CACNB2: variants seen among roughly 807,000 people sequenced by gnomAD.
CACNB2 encodes the protein voltage-dependent L-type calcium channel subunit beta-2.
CACNB2 carries 42 observed loss-of-function variants against 73.3 expected under a neutral mutation model. The ratio of observed to expected loss-of-function variants is 0.57; its 90% CI spans 0.45 to 0.74. The LOEUF (loss-of-function observed/expected upper bound fraction) is 0.74, where lower values mean the gene tolerates loss of function less well. Ranked by LOEUF, CACNB2 falls within the 30% of genes least tolerant of loss-of-function variation. The pLI is 0.00. For missense variants in CACNB2, 940 were observed against 853.0 expected, an observed-to-expected ratio of 1.10 and a Z score of -1.27; for synonymous variants, 348 against 310.3, an observed-to-expected ratio of 1.12 and a Z score of -1.28.
At chr10:18,392,120 G>T (rs191939414) in intron 2 of CACNB2, among the ~76,000 whole-genome samples, 2 of 152,038 alleles carry the variant, frequency 1.3e-5, no homozygotes, top group African/African-American at 4.8e-5. Context: ...GAAATCTAGG[G>T]GAGGAGAGTG....
chr10:18,258,704 T>C (rs373844791), intron 2 of CACNB2, among the ~76,000 whole-genome samples: 2 of 151,928 alleles, frequency 1.3e-5, no homozygotes, highest in South Asian at 4.2e-4. Context: ...CGAGCCTGGG[T>C]GACAAGAGCG....
intron 2 of CACNB2, among the ~76,000 whole-genome samples, chr10:18,175,512 T>G (rs1253002752): frequency 1.3e-5 from 2 of 152,190 alleles, no homozygotes; most frequent in Non-Finnish European, 2.9e-5. Context: ...CACTTAAGTC[T>G]TTAGAAATTT....
At chr10:18,388,549 T>G in intron 2 of CACNB2, among the ~76,000 whole-genome samples, 1 of 152,150 alleles carries the variant, frequency 6.6e-6, no homozygotes, top group Non-Finnish European at 1.5e-5. Context: ...TGTAGCCTGT[T>G]TTTTTAATAT....
chr10:18,514,845 G>T, intron 7 of CACNB2: 1 of 728,108 alleles, frequency 1.4e-6, no homozygotes, highest in African/African-American at 1.8e-5. Context: ...CTTTTATCCA[G>T]AAATTTAACT....
chr10:18,162,126 C>G (rs1022241394), intron 2 of CACNB2, among the ~76,000 whole-genome samples: 1 of 152,048 alleles, frequency 6.6e-6, no homozygotes, highest in East Asian at 1.9e-4. Flanking sequence ...TAATTATATA[C>G]CTAAGTCAGT....
intron 2 of CACNB2, among the ~76,000 whole-genome samples, chr10:18,229,780 A>G (rs1398666319): frequency 6.6e-6 from 1 of 152,158 alleles, no homozygotes; most frequent in African/African-American, 2.4e-5. Flanking sequence ...TATAGCTATG[A>G]TGTTAGAGCC....
intron 2 of CACNB2, among the ~76,000 whole-genome samples, chr10:18,250,485 C>G (rs1230795698): frequency 6.6e-6 from 1 of 151,386 alleles, no homozygotes; most frequent in Non-Finnish European, 1.5e-5. Context: ...CAAAACTCAT[C>G]TTTCTAAGAG....
At chr10:18,310,403 C>T (rs1241897427) in intron 2 of CACNB2, among the ~76,000 whole-genome samples, 8 of 150,732 alleles carry the variant, frequency 5.3e-5, no homozygotes, top group Admixed American at 2.0e-4. Context: ...GTTGGGAGTT[C>T]GAGACCAGCC....
chr10:18,532,606 G>A (rs1174861471), intron 10 of CACNB2, among the ~76,000 whole-genome samples: 1 of 148,328 alleles, frequency 6.7e-6, no homozygotes, highest in Non-Finnish European at 1.5e-5. Context: ...CTGAGGAGGT[G>A]GAGGAGATTG....
chr10:18,319,794 T>C (rs920199737), intron 2 of CACNB2, among the ~76,000 whole-genome samples: 2 of 152,058 alleles, frequency 1.3e-5, no homozygotes, highest in Non-Finnish European at 2.9e-5. Context: ...GAGGTGACCT[T>C]TGAGCTGAGA....
intron 2 of CACNB2, among the ~76,000 whole-genome samples, chr10:18,203,662 C>T (rs1006746199): frequency 3.9e-5 from 6 of 151,912 alleles, no homozygotes; most frequent in South Asian, 2.1e-4. Context: ...ATTATTTTAG[C>T]GGAGGCTGTA....
At chr10:18,229,212 T>C (rs1173941616) in intron 2 of CACNB2, among the ~76,000 whole-genome samples, 1 of 152,222 alleles carries the variant, frequency 6.6e-6, no homozygotes, top group East Asian at 1.9e-4. Flanking sequence ...AGAATATTAA[T>C]TAAGGAAAGG....
chr10:18,182,762 C>T (rs1446714065), intron 2 of CACNB2, among the ~76,000 whole-genome samples: 1 of 149,794 alleles, frequency 6.7e-6, no homozygotes, highest in Non-Finnish European at 1.5e-5. Flanking sequence ...CCAGAGGTTG[C>T]AGTGAGCCAA....
intron 2 of CACNB2, among the ~76,000 whole-genome samples, chr10:18,356,702 C>T (rs2041921372): frequency 6.6e-6 from 1 of 152,000 alleles, no homozygotes; most frequent in Non-Finnish European, 1.5e-5. Flanking sequence ...ATGATTGCAG[C>T]TCACTGCAGC....
chr10:18,279,429 A>G (rs1032682936), intron 2 of CACNB2, among the ~76,000 whole-genome samples: 1 of 152,200 alleles, frequency 6.6e-6, no homozygotes, highest in Admixed American at 6.5e-5. Flanking sequence ...AACATTATTC[A>G]TGTCTTTGTC....
chr10:18,490,161 A>G (rs1564610873), intron 3 of CACNB2, among the ~76,000 whole-genome samples: 1 of 152,170 alleles, frequency 6.6e-6, no homozygotes, highest in East Asian at 1.9e-4. Context: ...GCACTCCACC[A>G]AACTTGGTGT....
In CACNB2 at chr10:18,494,835, A is replaced by T. The variant is rs112648747; in HGVS notation, c.334-3520A>T. ...TACATCCTTAGGAGGCTGAGGGGGG[A>T]GGATTACTTGAGGCCAGGAGTTTGA... On this transcript the variant is annotated intron_variant, in intron 3 of 13. Transcript: ENST00000324631. Among the ~76,000 whole-genome samples the T allele has an allele frequency of 5.4e-3, 817 of 151,962 alleles. 7 individuals are homozygous for T. The highest frequency in any genetic ancestry group is 0.019 in the African/African-American group (783 of 41,448).
At chr10:18,290,784 C>A (rs988834736) in intron 2 of CACNB2, among the ~76,000 whole-genome samples, 1 of 152,158 alleles carries the variant, frequency 6.6e-6, no homozygotes, top group Non-Finnish European at 1.5e-5. Flanking sequence ...GGCAGAGGTC[C>A]GCCTGTATAA....
chr10:18,448,009 A>G (rs988834273), intron 3 of CACNB2, among the ~76,000 whole-genome samples: 2 of 152,104 alleles, frequency 1.3e-5, no homozygotes, highest in African/African-American at 4.8e-5. Context: ...GTTTTTTAAT[A>G]GAGATAGGGT....
Sources: allele counts gnomAD v4.1 joint callset (sites outside exome capture counted in the v4.1 genomes callset), GRCh38; gene constraint gnomAD v4.1.1; transcripts MANE v1.5; gene names NCBI Gene and HGNC (gene_info 2026-07-23, HGNC 2026-07-21).